Variants in CLNK observed in about 807,000 individuals in gnomAD.
CLNK encodes cytokine-dependent hematopoietic cell linker.
In CLNK, 74 loss-of-function variants were observed where a neutral mutation model predicts 68.6. That is an observed-to-expected ratio of 1.08 (90% confidence interval 0.89 to 1.31). CLNK has a LOEUF of 1.31. Ranked by LOEUF, CLNK falls within the 50% of genes most tolerant of loss-of-function variation. The pLI is 0.00. For synonymous variants in CLNK, 198 were observed against 172.2 expected (o/e 1.15, Z -1.17); for missense variants, 553 against 515.3 (o/e 1.07, Z -0.71).
At chr4:10,633,626 G>C (rs4697766) in intron 2 of CLNK, among the ~76,000 whole-genome samples, 48,720 of 152,016 alleles carry the variant, frequency 0.32, 8,845 homozygotes, top group African/African-American at 0.5. Context: ...TATCTGCAAG[G>C]TCTCCAAAGA....
chr4:10,623,607 C>T (rs977761457), intron 2 of CLNK, among the ~76,000 whole-genome samples: 2 of 152,182 alleles, frequency 1.3e-5, no homozygotes, highest in African/African-American at 2.4e-5. Context: ...AATAAGATGA[C>T]GCCTGACAAA....
intron 12 of CLNK, among the ~76,000 whole-genome samples, chr4:10,531,030 A>C (rs972645517): frequency 1.3e-5 from 2 of 152,254 alleles, no homozygotes; most frequent in Non-Finnish European, 2.9e-5. Context: ...CAAGCTGGAA[A>C]TGTGACTTTT....
At chr4:10,589,990 C>T (rs971421016) in intron 3 of CLNK, among the ~76,000 whole-genome samples, 1 of 152,158 alleles carries the variant, frequency 6.6e-6, no homozygotes, top group East Asian at 1.9e-4. Flanking sequence ...ACTTGGCAGC[C>T]ACCCTTCTGC....
At chr4:10,613,120 C>T (rs1722095597) in intron 2 of CLNK, among the ~76,000 whole-genome samples, 1 of 152,124 alleles carries the variant, frequency 6.6e-6, no homozygotes, top group African/African-American at 2.4e-5. Context: ...AGAAAAGGAT[C>T]TCTATCCATG....
Position 10,655,330 on chromosome 4 carries a change from A to AGAGAG in CLNK, c.11+12528_11+12529insCTCTC, listed in dbSNP as rs1355299217. Among the ~76,000 whole-genome samples, 473 of 77,828 alleles carry AGAGAG rather than the reference A, an allele frequency of 6.1e-3. 9 individuals are homozygous for AGAGAG. Among genetic ancestry groups the AGAGAG allele is most frequent in the African/African-American group, 0.015 (363 of 24,034 alleles). 51.1% of individuals were successfully genotyped at this position (77,828 alleles called of 152,430 possible). ...AAGTAATTCCGGCCTAAAACCCCCA[A>AGAGAG]AGACAGAGAGAGAGAGAGAGAGAGA... On this transcript the variant is annotated intron_variant, in intron 2 of 18. Coordinates refer to ENST00000226951, the MANE Select transcript of CLNK (RefSeq NM_052964.4).
chr4:10,725,711 C>T, the CLNK span, among the ~76,000 whole-genome samples: 6 of 151,908 alleles, frequency 3.9e-5, no homozygotes, highest in Non-Finnish European at 7.4e-5. Context: ...AAAAATTAGC[C>T]GGGCGTGTTG....
chr4:10,509,511 G>A (rs1270616906), intron 16 of CLNK, among the ~76,000 whole-genome samples: 1 of 147,314 alleles, frequency 6.8e-6, no homozygotes, highest in Non-Finnish European at 1.5e-5. Flanking sequence ...TCAAGATTGG[G>A]ACCAAAAGTC....
chr4:10,684,799 CA>C (rs907278530), upstream of CLNK: 1 of 152,198 alleles, frequency 6.6e-6, no homozygotes, highest in Admixed American at 6.6e-5. Context: ...CGATGCTAAG[CA>C]GTGCCCTTCA....
At chr4:10,719,994 A>C in the CLNK span, among the ~76,000 whole-genome samples, 3 of 152,168 alleles carry the variant, frequency 2.0e-5, no homozygotes, top group African/African-American at 7.2e-5. Flanking sequence ...TTGAAAAAAA[A>C]ATTCATTGAG....
upstream of CLNK, among the ~76,000 whole-genome samples, chr4:10,689,120 T>C (rs1560280449): frequency 6.6e-6 from 1 of 152,064 alleles, no homozygotes; most frequent in Non-Finnish European, 1.5e-5. Flanking sequence ...CTAAGGTTTC[T>C]TTTCCTTTCT....
At chr4:10,702,356 G>A in the CLNK span, among the ~76,000 whole-genome samples, 4 of 146,422 alleles carry the variant, frequency 2.7e-5, no homozygotes, top group African/African-American at 9.9e-5. Flanking sequence ...GAAGAGGAGA[G>A]TGCTGAGGAC....
At chr4:10,670,384 T>G (rs1458542507) in intron 1 of CLNK, among the ~76,000 whole-genome samples, 1 of 152,248 alleles carries the variant, frequency 6.6e-6, no homozygotes, top group Non-Finnish European at 1.5e-5. Context: ...GCTACTTCAT[T>G]CTTCAGAATG....
intron 8 of CLNK, among the ~76,000 whole-genome samples, chr4:10,544,285 C>T (rs1483364956): frequency 6.6e-6 from 1 of 152,176 alleles, no homozygotes; most frequent in Admixed American, 6.5e-5. Context: ...TAGAATAGGA[C>T]ATCTATCTTC....
intron 5 of CLNK, 64 bp from the exon 6 acceptor site, chr4:10,566,214 A>C: frequency 6.6e-7 from 1 of 1,525,862 alleles, no homozygotes; most frequent in Admixed American, 1.8e-5. Context: ...GACAGGCTAC[A>C]GTGCTGGCTA....
chr4:10,512,769 C>T (rs905013291), intron 16 of CLNK, among the ~76,000 whole-genome samples: 1 of 151,340 alleles, frequency 6.6e-6, no homozygotes, highest in African/African-American at 2.4e-5. Context: ...TGGGGCTTTA[C>T]AGTGAAAGAC....
chr4:10,665,459 A>G (rs1724356598), intron 2 of CLNK, among the ~76,000 whole-genome samples: 1 of 152,154 alleles, frequency 6.6e-6, no homozygotes, highest in East Asian at 1.9e-4. Context: ...AGGTCAGGAG[A>G]CCGAGACCAT....
At chr4:10,628,729 A>G (rs1240430558) in intron 2 of CLNK, among the ~76,000 whole-genome samples, 3 of 152,286 alleles carry the variant, frequency 2.0e-5, no homozygotes, top group South Asian at 4.1e-4. Context: ...TACATGCTGA[A>G]CTGAAACAGG....
In CLNK at chr4:10,564,525, A is replaced by G. The variant is rs188180886; in HGVS notation, c.399+146T>C. 1,207 of 634,630 alleles carry G rather than the reference A, an allele frequency of 1.9e-3. 11 individuals are homozygous for G. In the African/African-American group the frequency reaches 0.019, roughly 10 times the overall value. The allele number at this position is 634,630 out of a possible 1,614,324, so 39.3% of individuals were successfully genotyped here. A position where few individuals can be genotyped will look rare whatever the true frequency, so the allele number is the denominator to read the frequency against. ...TCATAAGAGTCACCTCCTACCAGTC[A>G]TAAGAGTCACCTCCCATCCACCTCA... On this transcript the variant is annotated intron_variant, in intron 7 of 18. Transcript: ENST00000226951.
At chr4:10,669,756 G>A (rs1446209222) in intron 1 of CLNK, among the ~76,000 whole-genome samples, 1 of 152,124 alleles carries the variant, frequency 6.6e-6, no homozygotes, top group Non-Finnish European at 1.5e-5. Flanking sequence ...TCACCCACCA[G>A]CCTCATCCCC....
Sources: gnomAD v4.1 joint callset for allele counts (sites outside exome capture counted in the v4.1 genomes callset) on GRCh38, gnomAD v4.1.1 for gene constraint, MANE v1.5 for transcripts, NCBI Gene and HGNC (gene_info 2026-07-23, HGNC 2026-07-21) for gene names.